Variants in ASB5 observed in about 807,000 individuals in gnomAD.
ASB5 encodes the protein ankyrin repeat and SOCS box containing 5.
A neutral mutation model predicts 42.1 loss-of-function variants in ASB5; 45 were observed. The ratio of observed to expected loss-of-function variants is 1.07; its 90% CI spans 0.84 to 1.37. The LOEUF (loss-of-function observed/expected upper bound fraction) is 1.37, where lower values mean the gene tolerates loss of function less well. Ranked by LOEUF, ASB5 falls within the 40% of genes most tolerant of loss-of-function variation. The pLI, the probability that ASB5 is intolerant of heterozygous loss-of-function variation, is 0.00. For missense variants in ASB5, 402 were observed against 399.8 expected, an observed-to-expected ratio of 1.01 and a Z score of -0.05; for synonymous variants, 147 against 150.6, an observed-to-expected ratio of 0.98 and a Z score of 0.18.
Position 176,241,553 on chromosome 4 carries a change from C to T in ASB5, c.197-16212G>A. On this transcript the variant is annotated intron_variant, in intron 1 of 6. Transcript: ENST00000296525. Reference sequence around the variant, plus strand: ...GGCTGTGCTGCTTTGGGTTTCTTTACAAGGCCGTGCCCTCATACAACCTTT... The same window carrying T: ...GGCTGTGCTGCTTTGGGTTTCTTTATAAGGCCGTGCCCTCATACAACCTTT... 12 of 1,525,080 alleles carry T rather than the reference C, an allele frequency of 7.9e-6. No homozygotes were observed. In the South Asian group the frequency reaches 1.5e-4, roughly 19 times the overall value. The allele number at this position is 1,525,080 out of a possible 1,614,324, so 94.5% of individuals were successfully genotyped here. A position where few individuals can be genotyped will look rare whatever the true frequency, so the allele number is the denominator to read the frequency against.
At chr4:176,273,971 T>C (rs1429992986), upstream of ASB5, among the ~76,000 whole-genome samples, 4 of 152,188 alleles carry the variant, frequency 2.6e-5, no homozygotes, top group African/African-American at 7.2e-5. Context: ...CCTAAGTCCA[T>C]GTACTTATCT....
At chr4:176,216,734 C>T in intron 6 of ASB5, 84 bp downstream of exon 6, 1 of 1,160,224 alleles carries the variant, frequency 8.6e-7, no homozygotes, top group Non-Finnish European at 1.2e-6. Context: ...TGTTACTTTC[C>T]ATGCCAACAA....
In ASB5 at chr4:176,217,009, C is replaced by A. The variant is rs749505830; in HGVS notation, c.671G>T (p.Gly224Val). The A allele has an allele frequency of 6.3e-7, 1 of 1,595,658 alleles. No individual in the cohort carries two copies. The highest frequency in any genetic ancestry group is 1.4e-5 in the African/African-American group (1 of 73,938). The change falls in exon 6 of 7, where the codon GGT (glycine) becomes GTT (valine). Residue 224 changes from glycine (G) to valine (V), a missense_variant and splice_region_variant. Physicochemically the swap from Gly to Val is moderately radical, Grantham distance 109 (BLOSUM62 -3). Coordinates refer to ENST00000296525, the MANE Select transcript of ASB5 (RefSeq NM_080874.4). ...FHCIWKLLYA[G>V]ADVQKGKYWD... ...ATATTTGCCTTTCTGTACGTCAGCACCTACATGTAATACGGAGTGAAGATA... is the reference window on the plus strand; with the variant it reads ...ATATTTGCCTTTCTGTACGTCAGCAACTACATGTAATACGGAGTGAAGATA...
chr4:176,276,506 A>G (rs543952264), intron 1 of ASB5, among the ~76,000 whole-genome samples: 33 of 152,224 alleles, frequency 2.2e-4, no homozygotes, highest in Non-Finnish European at 4.6e-4. Flanking sequence ...GCTCCATGGT[A>G]TGAAAGATAG....
At position 176,221,223 on chromosome 4, in the gene ASB5, A is replaced by G. The variant is rs1447467501; in HGVS notation, c.602T>C (p.Leu201Ser). The part of the protein sequence containing the change: ...GIDVDQEIPH[L>S]GTPLYVACMS... The stretch of plus-strand genomic sequence containing the variant: ...ACAAGCTACATAGAGAGGAGTTCCC[A>G]AATGAGGAATTTCTTGGTCAACATC... Residue 201 changes from leucine (L) to serine (S), a missense_variant, in exon 5 of 7, where the codon TTG (leucine) becomes TCG (serine). Transcript: ENST00000296525. 1 of 1,614,178 alleles carries G rather than the reference A, an allele frequency of 6.2e-7. No homozygotes were observed. Among genetic ancestry groups the G allele is most frequent in the African/African-American group, 1.3e-5 (1 of 75,044 alleles).
chr4:176,272,511 C>A (rs1260762947), upstream of ASB5, among the ~76,000 whole-genome samples: 1 of 152,142 alleles, frequency 6.6e-6, no homozygotes, highest in East Asian at 1.9e-4. Context: ...TGGCTTTCCT[C>A]CTGCTGTCAC....
intron 5 of ASB5, 97 bp from the exon 6 acceptor site, chr4:176,217,106 G>A (rs769697815): frequency 6.1e-5 from 59 of 971,070 alleles, no homozygotes; most frequent in Non-Finnish European, 8.5e-5. Context: ...ATAGAGGAAG[G>A]TTATTAAGGG....
At chr4:176,246,647 T>C (rs553874473) in intron 1 of ASB5, among the ~76,000 whole-genome samples, 1 of 152,350 alleles carries the variant, frequency 6.6e-6, no homozygotes, top group South Asian at 2.1e-4. Context: ...GTATACTGAA[T>C]GTCTAGATGT....
chr4:176,215,458 T>G lies in ASB5; in HGVS notation c.*142A>C, dbSNP rs1361504984. On this transcript the variant is annotated 3_prime_UTR_variant, in exon 7 of 7. Coordinates refer to ENST00000296525, the MANE Select transcript of ASB5 (RefSeq NM_080874.4). Reference sequence around the variant, plus strand: ...AACAATAGTACTAATACACTTAAAATGAAAATTGATATTTTACTGCTTCCC... The same window carrying G: ...AACAATAGTACTAATACACTTAAAAGGAAAATTGATATTTTACTGCTTCCC... 28 of 799,018 alleles carry G rather than the reference T, an allele frequency of 3.5e-5. No homozygotes were observed. The Admixed American group carries it at 9.1e-4, about 26-fold the overall frequency. The allele number at this position is 799,018 out of a possible 1,614,324, so 49.5% of individuals were successfully genotyped here.
chr4:176,244,044 G>T (rs1399205395), intron 1 of ASB5, among the ~76,000 whole-genome samples: 1 of 152,074 alleles, frequency 6.6e-6, no homozygotes, highest in Non-Finnish European at 1.5e-5. Flanking sequence ...GATGTATTTG[G>T]ATTTATTTTT....
At chr4:176,271,966 C>T (rs1017301012), upstream of ASB5, among the ~76,000 whole-genome samples, 2 of 152,046 alleles carry the variant, frequency 1.3e-5, no homozygotes. Context: ...CAGACACATA[C>T]ACATACTGCC....
intron 1 of ASB5, among the ~76,000 whole-genome samples, chr4:176,265,072 C>T (rs1004320678): frequency 3.9e-5 from 6 of 152,116 alleles, no homozygotes; most frequent in African/African-American, 1.4e-4. Flanking sequence ...TTAATACATA[C>T]CCTTTTTTAT....
At chr4:176,245,537 T>C (rs888419589) in intron 1 of ASB5, among the ~76,000 whole-genome samples, 7 of 152,284 alleles carry the variant, frequency 4.6e-5, no homozygotes, top group East Asian at 1.9e-4. Context: ...CGCAGCCATC[T>C]CATTACTGGG....
chr4:176,267,245 A>G (rs1001821268), intron 1 of ASB5, among the ~76,000 whole-genome samples: 4 of 152,092 alleles, frequency 2.6e-5, no homozygotes, highest in African/African-American at 9.7e-5. Flanking sequence ...TTAGTTTTCT[A>G]TGTTTGCTGT....
At chr4:176,226,370 G>T (rs555197759) in intron 1 of ASB5, among the ~76,000 whole-genome samples, 168 of 152,236 alleles carry the variant, frequency 1.1e-3, no homozygotes, top group Middle Eastern at 0.01. Flanking sequence ...GGATTCTCAG[G>T]CCTTTGACCT....
chr4:176,261,283 T>C (rs1754263957), intron 1 of ASB5, among the ~76,000 whole-genome samples: 1 of 152,182 alleles, frequency 6.6e-6, no homozygotes, highest in African/African-American at 2.4e-5. Flanking sequence ...GAAACACACA[T>C]AATGACATAT....
At chr4:176,221,945 C>T (rs553129889) in intron 3 of ASB5, among the ~76,000 whole-genome samples, 5 of 152,018 alleles carry the variant, frequency 3.3e-5, no homozygotes, top group African/African-American at 1.2e-4. Context: ...TGTAATGAAG[C>T]CACATTGCTA....
rs1752933331 is a variant in ASB5 at position 176,215,155 on chromosome 4, T to C, written c.*445A>G. On this transcript the variant is annotated 3_prime_UTR_variant, in exon 7 of 7. Transcript: ENST00000296525. Reference sequence around the variant, plus strand: ...TGGTTTCAGAAAACATATTAGTTGCTCTTTGCTAAGCCATATTCATATTTT... The same window carrying C: ...TGGTTTCAGAAAACATATTAGTTGCCCTTTGCTAAGCCATATTCATATTTT... 6.6e-6 allele frequency: 1 copy of C among 152,504 alleles called. No individual in the cohort carries two copies. Among genetic ancestry groups the C allele is most frequent in the Non-Finnish European group, 1.5e-5 (1 of 68,290 alleles). The allele number at this position is 152,504 out of a possible 1,614,324, so 9.4% of individuals were successfully genotyped here.
chr4:176,228,428 G>A (rs1199475386), intron 1 of ASB5, among the ~76,000 whole-genome samples: 1 of 152,124 alleles, frequency 6.6e-6, no homozygotes, highest in Non-Finnish European at 1.5e-5. Flanking sequence ...TTGAATTACA[G>A]AATAACGATA....
Sources: allele counts gnomAD v4.1 joint callset (sites outside exome capture counted in the v4.1 genomes callset), GRCh38; gene constraint gnomAD v4.1.1; transcripts MANE v1.5; gene names NCBI Gene and HGNC (gene_info 2026-07-23, HGNC 2026-07-21).